The following ITGB8 variants were observed in gnomAD, a reference collection of about 807,000 sequenced individuals.
ITGB8 encodes the protein integrin subunit beta 8.
ITGB8 carries 30 observed loss-of-function variants against 89.5 expected under a neutral mutation model. That is an observed-to-expected ratio of 0.34 (90% confidence interval 0.25 to 0.45). The LOEUF (loss-of-function observed/expected upper bound fraction) is 0.45, where lower values mean the gene tolerates loss of function less well. Among genes scored for constraint, ITGB8 ranks in the 20% least tolerant of loss-of-function variants. The pLI, the probability that ITGB8 is intolerant of heterozygous loss-of-function variation, is 1.00. For synonymous variants in ITGB8, 335 were observed against 320.4 expected, an observed-to-expected ratio of 1.05 and a Z score of -0.49; for missense variants, 836 against 933.3, an observed-to-expected ratio of 0.90 and a Z score of 1.36.
At chr7:20,349,520 A>C (rs368651828) in intron 1 of ITGB8, among the ~76,000 whole-genome samples, 1 of 152,110 alleles carries the variant, frequency 6.6e-6, no homozygotes, top group East Asian at 1.9e-4. Context: ...TATAATAAAT[A>C]AGTTTTGAAT....
intron 6 of ITGB8, among the ~76,000 whole-genome samples, chr7:20,390,628 G>A (rs575597370): frequency 4.9e-4 from 75 of 152,220 alleles, no homozygotes; most frequent in African/African-American, 1.7e-3. Flanking sequence ...GATAAGTTGA[G>A]AAATCTGTAA....
intron 1 of ITGB8, among the ~76,000 whole-genome samples, chr7:20,333,047 G>A (rs965190232): frequency 6.7e-6 from 1 of 150,044 alleles, no homozygotes; most frequent in Non-Finnish European, 1.5e-5. Flanking sequence ...TAATTGTTTT[G>A]TAGGTTAAAA....
intron 1 of ITGB8, among the ~76,000 whole-genome samples, chr7:20,357,581 C>T (rs950474426): frequency 6.6e-6 from 1 of 152,128 alleles, no homozygotes; most frequent in Non-Finnish European, 1.5e-5. Context: ...GTTTCTTTAT[C>T]GAATGCCTAC....
chr7:20,397,233 T>C (rs917281491), intron 8 of ITGB8, among the ~76,000 whole-genome samples: 7 of 152,038 alleles, frequency 4.6e-5, no homozygotes, highest in East Asian at 1.9e-4. Context: ...TCTTTCTTTT[T>C]TTTTTTTTTT....
In ITGB8 at chr7:20,381,793, C is replaced by G; in HGVS notation, c.868C>G (p.Leu290Val). The G allele has an allele frequency of 6.2e-6, 10 of 1,614,044 alleles. No homozygotes were observed. The highest frequency in any genetic ancestry group is 7.6e-6 in the Non-Finnish European group (9 of 1,179,904). ...GGTGATGACAGATCAGACGTCTCATCTCGCTCTTGATAGCAAATTGGCAGG... is the reference window on the plus strand; with the variant it reads ...GGTGATGACAGATCAGACGTCTCATGTCGCTCTTGATAGCAAATTGGCAGG... ...LLVMTDQTSH[L>V]ALDSKLAGIV... is the part of the protein sequence containing the mutation. The change falls in exon 6 of 14, where the codon CTC becomes GTC. Residue 290 changes from leucine (L) to valine (V), a missense_variant. Leu to Val is a conservative substitution (Grantham distance 32). Coordinates refer to ENST00000222573, the MANE Select transcript of ITGB8 (RefSeq NM_002214.3).
chr7:20,349,859 T>C (rs1309192652), intron 1 of ITGB8, among the ~76,000 whole-genome samples: 2 of 152,212 alleles, frequency 1.3e-5, no homozygotes, highest in East Asian at 3.8e-4. Context: ...TAACTGGAAA[T>C]AAACTTTATC....
chr7:20,377,652 G>A (rs1786209320), intron 3 of ITGB8, among the ~76,000 whole-genome samples: 1 of 152,210 alleles, frequency 6.6e-6, no homozygotes, highest in Admixed American at 6.5e-5. Flanking sequence ...CCTAGCTTCT[G>A]AAGGCAAGGG....
At chr7:20,369,348 C>T (rs1785835908) in intron 3 of ITGB8, among the ~76,000 whole-genome samples, 1 of 152,110 alleles carries the variant, frequency 6.6e-6, no homozygotes, top group African/African-American at 2.4e-5. Flanking sequence ...ATGGAAAGTC[C>T]AAGATCAAGA....
chr7:20,365,373 G>A (rs981361524), intron 2 of ITGB8: 6 of 152,212 alleles, frequency 3.9e-5, no homozygotes, highest in Non-Finnish European at 8.8e-5. Flanking sequence ...TTTATGTATT[G>A]AAAGAGCAGG....
At chr7:20,372,701 G>GGAGCTT (rs1379106902) in intron 3 of ITGB8, among the ~76,000 whole-genome samples, 2 of 152,106 alleles carry the variant, frequency 1.3e-5, no homozygotes, top group African/African-American at 4.8e-5. Flanking sequence ...CAGTCATTGT[G>GGAGCTT]GAGCTTGATT....
intron 7 of ITGB8, among the ~76,000 whole-genome samples, chr7:20,392,144 A>G (rs2127973819): frequency 6.6e-6 from 1 of 152,252 alleles, no homozygotes; most frequent in Middle Eastern, 3.4e-3. Flanking sequence ...CAACCCTGTT[A>G]TAGCTTTCTT....
At chr7:20,389,397 C>T (rs1435296660) in intron 6 of ITGB8, among the ~76,000 whole-genome samples, 1 of 152,120 alleles carries the variant, frequency 6.6e-6, no homozygotes, top group African/African-American at 2.4e-5. Flanking sequence ...TCTTAATAAG[C>T]TTCTGACCAA....
rs781042261 is a variant in ITGB8, at chr7:20,331,863, C to G, written c.57C>G (p.Asp19Glu). The change falls in exon 1 of 14, where the codon GAC becomes GAG. Residue 19 changes from aspartate to glutamate, a missense_variant. Asp to Glu is a conservative substitution (Grantham distance 45, BLOSUM62 2). Around this residue, in one of 5 missense-constraint regions of ITGB8, gnomAD observed 182 missense variants for 177.0 expected, o/e 1.03. Coordinates refer to ENST00000222573, the MANE Select transcript of ITGB8 (RefSeq NM_002214.3). Reference sequence around the variant, plus strand: ...CTGCATTTGTCTGCCTGCAAAACGACCGGCGAGGTCCCGCCTCGTTCCTCT... The same window carrying G: ...CTGCATTTGTCTGCCTGCAAAACGAGCGGCGAGGTCCCGCCTCGTTCCTCT... ...FTAAFVCLQNDRRGPASFLWA... is the reference protein window; with the variant it reads ...FTAAFVCLQNERRGPASFLWA... 6.2e-7 allele frequency: 1 copy of G among 1,614,062 alleles called. No homozygotes were observed. The highest frequency in any genetic ancestry group is 1.1e-5 in the South Asian group (1 of 91,080).
chr7:20,406,171 G>T lies in ITGB8; in HGVS notation c.2023G>T (p.Glu675Ter), dbSNP rs1787535696. 6.4e-7 allele frequency: 1 copy of T among 1,559,048 alleles called. No individual in the cohort carries two copies. The highest frequency in any genetic ancestry group is 1.7e-5 in the Admixed American group (1 of 59,922). ...ACAGCATTATGTCGACCAAACTTCA[G>T]GTAGGCCAAAGCTTAATAATCAAAG... Reference protein sequence around the residue: ...EQQHYVDQTSECFSSPSYLRI... With the variant: ...EQQHYVDQTS The change falls in exon 12 of 14, where the codon GAA becomes TAA. Residue 675 changes from glutamate to a stop codon, truncating the protein, a stop_gained and splice_region_variant. Coordinates refer to ENST00000222573, the MANE Select transcript of ITGB8 (RefSeq NM_002214.3). LOFTEE classifies it high-confidence loss of function.
chr7:20,397,814 A>G lies in ITGB8; in HGVS notation c.1147-1046A>G, dbSNP rs565838874. ...ATTCCATGATCAATTATTTGTCAGT[A>G]AGCACGTGTTTCTTTGTTGATTATA... is the stretch of plus-strand genomic sequence containing the variant. On this transcript the variant is annotated intron_variant, in intron 8 of 13. Coordinates refer to ENST00000222573, the MANE Select transcript of ITGB8 (RefSeq NM_002214.3). Among the ~76,000 whole-genome samples, 6 of 152,368 alleles carry G rather than the reference A, an allele frequency of 3.9e-5. 1 individual carries two copies. Among genetic ancestry groups the G allele is most frequent in the Non-Finnish European group, 5.9e-5 (4 of 68,038 alleles).
chr7:20,351,634 T>C (rs1221895258), intron 1 of ITGB8, among the ~76,000 whole-genome samples: 3 of 152,356 alleles, frequency 2.0e-5, no homozygotes, highest in Middle Eastern at 3.4e-3. Context: ...TGAAATGTGA[T>C]TAAAGGAAAA....
At chr7:20,346,568 G>C (rs1784930921) in intron 1 of ITGB8, 1 of 265,544 alleles carries the variant, frequency 3.8e-6, no homozygotes, top group South Asian at 1.4e-4. Flanking sequence ...GCAAGGGGAG[G>C]TTCTGAGACT....
chr7:20,389,957 A>C (rs1243579580), intron 6 of ITGB8, among the ~76,000 whole-genome samples: 2 of 152,030 alleles, frequency 1.3e-5, no homozygotes, highest in African/African-American at 4.8e-5. Flanking sequence ...GTTTCATATC[A>C]TGTGTAAAGG....
rs1174120072 is a variant in ITGB8 at position 20,331,358 on chromosome 7, T to C, written c.-449T>C. On this transcript the variant is annotated 5_prime_UTR_variant, in exon 1 of 14. Transcript: ENST00000222573. ...CAGATCCAGCATCACCCAGTGAATG[T>C]ACATTAGGGTGGTTTCCCCCCCAGC... The C allele has an allele frequency of 7.6e-6, 3 of 394,594 alleles. No homozygotes were observed. The Admixed American group carries it at 1.3e-4, about 17-fold the overall frequency. The allele number at this position is 394,594 out of a possible 1,614,324, so 24.4% of individuals were successfully genotyped here. A position where few individuals can be genotyped will look rare whatever the true frequency, so the allele number is the denominator to read the frequency against.
Sources: gnomAD v4.1 joint callset for allele counts (sites outside exome capture counted in the v4.1 genomes callset) on GRCh38, gnomAD v4.1.1 for gene constraint, gnomAD v4.1.1 regional missense constraint, MANE v1.5 for transcripts, NCBI Gene and HGNC (gene_info 2026-07-23, HGNC 2026-07-21) for gene names.